KLHL32: variants seen among roughly 807,000 people sequenced by gnomAD.
The protein encoded by KLHL32 is kelch like family member 32.
In KLHL32, 35 loss-of-function variants were observed where a neutral mutation model predicts 64.8. That is an observed-to-expected ratio of 0.54 (90% CI 0.41 to 0.72). The LOEUF (loss-of-function observed/expected upper bound fraction) is 0.72, where lower values mean the gene tolerates loss of function less well. KLHL32 is among the 30% of genes least tolerant of loss of function. The pLI is 0.00. For missense variants in KLHL32, 589 were observed against 768.5 expected (o/e 0.77, Z 2.76); for synonymous variants, 259 against 281.0 (o/e 0.92, Z 0.78).
chr6:97,014,667 G>C (rs1780894579), intron 3 of KLHL32, among the ~76,000 whole-genome samples: 1 of 152,146 alleles, frequency 6.6e-6, no homozygotes, highest in Non-Finnish European at 1.5e-5. Context: ...CTCTGAGGCA[G>C]GTATCTTCAT....
At chr6:97,066,552 C>T (rs1789778359) in intron 5 of KLHL32, among the ~76,000 whole-genome samples, 1 of 152,180 alleles carries the variant, frequency 6.6e-6, no homozygotes, top group Admixed American at 6.5e-5. Context: ...TTTTCACTGA[C>T]TTTTCACAAA....
chr6:97,039,406 G>C (rs552173339), intron 3 of KLHL32, among the ~76,000 whole-genome samples: 2 of 152,240 alleles, frequency 1.3e-5, no homozygotes, highest in South Asian at 2.1e-4. Context: ...TCGTAGGGAG[G>C]GGGAGGATGA....
intron 1 of KLHL32, among the ~76,000 whole-genome samples, chr6:96,957,342 G>T (rs980925052): frequency 6.6e-5 from 10 of 151,912 alleles, no homozygotes; most frequent in Non-Finnish European, 2.9e-5. Flanking sequence ...ATTTGCTATT[G>T]GATTAAGAAC....
chr6:96,951,615 T>C (rs1562186189), intron 1 of KLHL32, among the ~76,000 whole-genome samples: 1 of 152,198 alleles, frequency 6.6e-6, no homozygotes, highest in Admixed American at 6.5e-5. Flanking sequence ...TCACTATTAA[T>C]ATTGAGCAAT....
chr6:97,047,083 G>C (rs916936868), intron 4 of KLHL32, among the ~76,000 whole-genome samples: 10 of 152,314 alleles, frequency 6.6e-5, no homozygotes, highest in African/African-American at 1.9e-4. Flanking sequence ...AGATGTGTGC[G>C]TGTTCCTCCT....
At chr6:96,954,312 ATTT>A (rs71012579) in intron 1 of KLHL32, among the ~76,000 whole-genome samples, 6 of 89,436 alleles carry the variant, frequency 6.7e-5, no homozygotes, top group Non-Finnish European at 1.0e-4. Flanking sequence ...CTTTCCTTCA[ATTT>A]TTTTTTTTTT....
chr6:96,946,347 C>T (rs1771916692), intron 1 of KLHL32, among the ~76,000 whole-genome samples: 1 of 152,134 alleles, frequency 6.6e-6, no homozygotes, highest in Admixed American at 6.5e-5. Flanking sequence ...CTTATTATCT[C>T]GTGGCACACC....
At chr6:96,948,754 A>G (rs1233981460) in intron 1 of KLHL32, among the ~76,000 whole-genome samples, 1 of 152,030 alleles carries the variant, frequency 6.6e-6, no homozygotes, top group Non-Finnish European at 1.5e-5. Flanking sequence ...GATGGATTTG[A>G]CAGCCTTTTT....
At chr6:97,070,278 A>T (rs750212752) in intron 5 of KLHL32, among the ~76,000 whole-genome samples, 1 of 152,222 alleles carries the variant, frequency 6.6e-6, no homozygotes, top group Non-Finnish European at 1.5e-5. Context: ...ATGATCAAAA[A>T]GGGTGGAAAT....
At position 97,085,222 on chromosome 6, in the gene KLHL32, C is replaced by T. The variant is rs1450975441; in HGVS notation, c.508C>T (p.His170Tyr). 6.2e-6 allele frequency: 10 copies of T among 1,614,074 alleles called. No homozygotes were observed. The highest frequency in any genetic ancestry group is 8.5e-6 in the Non-Finnish European group (10 of 1,180,026). ...GGCAGTGATCGATTTCTTAGTGAAA[C>T]ATCTCTCTGAACTCCTGAAGAGCCG... ...EKAVIDFLVKHLSELLKSRPE... is the reference protein window; with the variant it reads ...EKAVIDFLVKYLSELLKSRPE... Residue 170 changes from histidine (H) to tyrosine (Y), a missense_variant, in exon 6 of 11, where the codon CAT becomes TAT. Around this residue, in one of 3 missense-constraint regions of KLHL32, gnomAD observed 191 missense variants for 223.3 expected, o/e 0.86. Transcript: ENST00000369261.
chr6:96,916,983 C>A, the KLHL32 span, among the ~76,000 whole-genome samples: 1 of 152,078 alleles, frequency 6.6e-6, no homozygotes, highest in Non-Finnish European at 1.5e-5. Flanking sequence ...ATAGGAACAA[C>A]CCTGAACCCT....
chr6:97,134,763 TAGG>T (rs1205100953), intron 10 of KLHL32, among the ~76,000 whole-genome samples: 1 of 152,214 alleles, frequency 6.6e-6, no homozygotes, highest in Non-Finnish European at 1.5e-5. Flanking sequence ...GTATCAAGTT[TAGG>T]AGATCAGAGT....
Position 96,976,065 on chromosome 6 carries a change from C to T in KLHL32, c.92C>T (p.Ala31Val), listed in dbSNP as rs184109661. 2.2e-5 allele frequency: 35 copies of T among 1,608,548 alleles called. No homozygotes were observed. The highest frequency in any genetic ancestry group is 6.7e-5 in the Admixed American group (4 of 59,638). ...TCTCACAATGACAGTGTCCTGGCAG[C>T]GCTGAATCAGCAGAGGAGTGATGGC... The part of the protein sequence containing the change: ...SESHNDSVLA[A>V]LNQQRSDGIL... The change falls in exon 3 of 11, where the codon GCG (alanine) becomes GTG (valine). Residue 31 changes from alanine (A) to valine (V), a missense_variant. By Grantham distance (64) the Ala-to-Val change is moderately conservative. Coordinates refer to ENST00000369261, the MANE Select transcript of KLHL32 (RefSeq NM_052904.4).
chr6:97,131,088 T>C (rs992637228), intron 9 of KLHL32, 139 bp downstream of exon 9: 1 of 728,148 alleles, frequency 1.4e-6, no homozygotes, highest in Non-Finnish European at 2.2e-6. Context: ...CAGAAAGGTG[T>C]GTATCATTTA....
intron 6 of KLHL32, among the ~76,000 whole-genome samples, chr6:97,103,552 A>G (rs1041849417): frequency 6.6e-6 from 1 of 152,198 alleles, no homozygotes; most frequent in Non-Finnish European, 1.5e-5. Flanking sequence ...TGAAGCAGTC[A>G]CCTTAATAAA....
At chr6:97,057,650 C>T (rs1364125281) in intron 4 of KLHL32, among the ~76,000 whole-genome samples, 1 of 151,012 alleles carries the variant, frequency 6.6e-6, no homozygotes, top group African/African-American at 2.4e-5. Flanking sequence ...ATTCCTTTAG[C>T]AGATGTATCT....
upstream of KLHL32, among the ~76,000 whole-genome samples, chr6:96,920,507 A>G (rs755232856): frequency 3.9e-5 from 6 of 152,046 alleles, no homozygotes; most frequent in African/African-American, 4.8e-5. Context: ...ATGGCACTGA[A>G]CAGAGCCAGC....
At chr6:97,083,373 G>A (rs894019786) in intron 5 of KLHL32, among the ~76,000 whole-genome samples, 2 of 144,228 alleles carry the variant, frequency 1.4e-5, no homozygotes, top group Admixed American at 1.4e-4. Context: ...CTGGGCGACA[G>A]AGCAAGACTC....
chr6:97,113,798 T>C lies in KLHL32; in HGVS notation c.643T>C (p.Leu215=), dbSNP rs1380954079. 6.2e-7 allele frequency: 1 copy of C among 1,611,996 alleles called. No homozygotes were observed. Among genetic ancestry groups the C allele is most frequent in the African/African-American group, 1.3e-5 (1 of 74,884 alleles). ...TCTGTTTCAGCTAGCTGTGAGGTGG[T>C]TGGAACACAACTGCCACTACCAGTA... ...EQIWQLAVRW[L]EHNCHYQYMD... Residue 215 remains leucine (L), a synonymous_variant, in exon 7 of 11, where the codon TTG becomes CTG. Coordinates refer to ENST00000369261, the MANE Select transcript of KLHL32 (RefSeq NM_052904.4).
Sources: gnomAD v4.1 joint callset for allele counts (sites outside exome capture counted in the v4.1 genomes callset) on GRCh38, gnomAD v4.1.1 for gene constraint, gnomAD v4.1.1 regional missense constraint, MANE v1.5 for transcripts, NCBI Gene and HGNC (gene_info 2026-07-23, HGNC 2026-07-21) for gene names.